Variants in C11orf65 observed in about 807,000 individuals in gnomAD.
C11orf65 encodes the protein protein MFI.
A neutral mutation model predicts 35.3 loss-of-function variants in C11orf65; 38 were observed. That is an observed-to-expected ratio of 1.08 (90% confidence interval 0.83 to 1.41). C11orf65 has a LOEUF of 1.41. Ranked by LOEUF, C11orf65 falls within the 40% of genes most tolerant of loss-of-function variation. The pLI is 0.00. For synonymous variants in C11orf65, 105 were observed against 114.4 expected (o/e 0.92, Z 0.53); for missense variants, 370 against 367.1 (o/e 1.01, Z -0.06).
At position 108,365,106 on chromosome 11, in the gene C11orf65, G is replaced by T. The variant is rs1400589510; in HGVS notation, c.226+28102C>A. The T allele has an allele frequency of 6.2e-7, 1 of 1,613,952 alleles. No individual in the cohort carries two copies. On this transcript the variant is annotated intron_variant, in intron 2 of 3. Transcript: ENST00000524755. ...GGTCCTTCTATATGATCCACTCTTT[G>T]ACTGGACCATGAATCCTTTGAAAGC... is the stretch of plus-strand genomic sequence containing the variant.
chr11:108,431,365 T>C (rs2092987492), intron 3 of C11orf65, among the ~76,000 whole-genome samples: 1 of 152,224 alleles, frequency 6.6e-6, no homozygotes, highest in African/African-American at 2.4e-5. Context: ...CATAAATGTA[T>C]TGTTGGATGA....
chr11:108,378,172 A>C (rs2091777974), downstream of C11orf65, among the ~76,000 whole-genome samples: 1 of 152,196 alleles, frequency 6.6e-6, no homozygotes, highest in Admixed American at 6.5e-5. Context: ...CGCATCGGCA[A>C]GTCAATCCTA....
At chr11:108,317,301 G>C (rs963247585) in intron 6 of C11orf65, 1 of 1,476,916 alleles carries the variant, frequency 6.8e-7, no homozygotes, top group Non-Finnish European at 9.4e-7. Flanking sequence ...TTGTATCTTT[G>C]CTGTTTTTTT....
chr11:108,409,743 T>A (rs1050585287), intron 3 of C11orf65, among the ~76,000 whole-genome samples: 2 of 151,990 alleles, frequency 1.3e-5, no homozygotes, highest in African/African-American at 4.8e-5. Flanking sequence ...GAGCTCCCCA[T>A]CCTGTCAGAT....
At chr11:108,336,082 AG>A (rs2086819369) in intron 2 of C11orf65, 1 of 737,798 alleles carries the variant, frequency 1.4e-6, no homozygotes, top group African/African-American at 1.7e-5. Context: ...GGATTGCTTG[AG>A]GCCAGGAGTT....
At chr11:108,435,351 T>C (rs1313633734) in intron 2 of C11orf65, among the ~76,000 whole-genome samples, 1 of 152,138 alleles carries the variant, frequency 6.6e-6, no homozygotes, top group Non-Finnish European at 1.5e-5. Context: ...ATTACCATAC[T>C]GGCTGGGGTA....
At chr11:108,365,618 T>C in intron 2 of C11orf65, 2 of 1,345,464 alleles carry the variant, frequency 1.5e-6, no homozygotes, top group Non-Finnish European at 2.0e-6. Flanking sequence ...AAGTGAACTA[T>C]TGTGGGTTTT....
In C11orf65 at chr11:108,353,749, T is replaced by C; in HGVS notation, c.227-18457A>G. On this transcript the variant is annotated intron_variant, in intron 2 of 3. Transcript: ENST00000524755. The stretch of plus-strand genomic sequence containing the variant: ...TAGCTGTCAAACCTCCTAACTTCAC[T>C]GTATTCTTTACTTTAGGTGTTGCTT... The C allele has an allele frequency of 6.4e-7, 1 of 1,572,438 alleles. No individual in the cohort carries two copies. Among genetic ancestry groups the C allele is most frequent in the East Asian group, 2.2e-5 (1 of 44,644 alleles).
chr11:108,327,965 T>G (rs1229389732), downstream of C11orf65, among the ~76,000 whole-genome samples: 1 of 152,198 alleles, frequency 6.6e-6, no homozygotes, highest in South Asian at 2.1e-4. Context: ...AGCCCAAGTA[T>G]AGTATCTCTT....
At chr11:108,448,166 C>T (rs1271095591) in intron 2 of C11orf65, among the ~76,000 whole-genome samples, 1 of 152,104 alleles carries the variant, frequency 6.6e-6, no homozygotes, top group East Asian at 1.9e-4. Flanking sequence ...AAAAAAAGTC[C>T]AGGACCAGAT....
intron 6 of C11orf65, among the ~76,000 whole-genome samples, chr11:108,403,423 T>TTTTG (rs1555164851): frequency 1.6e-4 from 24 of 149,986 alleles, no homozygotes; most frequent in African/African-American, 5.6e-4. Flanking sequence ...TTTTTTTGTT[T>TTTTG]TTTTTTTTTT....
At chr11:108,358,067 T>A (rs1186913451) in intron 2 of C11orf65, among the ~76,000 whole-genome samples, 1 of 148,094 alleles carries the variant, frequency 6.8e-6, no homozygotes, top group Non-Finnish European at 1.5e-5. Context: ...GAAGAATGTA[T>A]AACTAGAATA....
chr11:108,434,048 TTG>T (rs1196850551), intron 2 of C11orf65, among the ~76,000 whole-genome samples: 1 of 152,116 alleles, frequency 6.6e-6, no homozygotes, highest in African/African-American at 2.4e-5. Context: ...GAGAAGATGC[TTG>T]TGTCGTATGT....
chr11:108,449,366 C>T (rs1189742503), intron 2 of C11orf65, among the ~76,000 whole-genome samples: 7 of 152,016 alleles, frequency 4.6e-5, no homozygotes, highest in Admixed American at 2.6e-4. Context: ...GGAGGCATCA[C>T]ACTACCTGAC....
intron 2 of C11orf65, among the ~76,000 whole-genome samples, chr11:108,335,587 T>G (rs2086750480): frequency 6.6e-6 from 1 of 152,196 alleles, no homozygotes; most frequent in Non-Finnish European, 1.5e-5. Flanking sequence ...ACTCAGGTGT[T>G]TGCAGTATGC....
intron 7 of C11orf65, among the ~76,000 whole-genome samples, chr11:108,388,219 C>A (rs531596298): frequency 6.6e-6 from 1 of 152,274 alleles, no homozygotes; most frequent in Non-Finnish European, 1.5e-5. Context: ...CATAGCTAGG[C>A]CCCATCACTG....
intron 2 of C11orf65, among the ~76,000 whole-genome samples, chr11:108,457,063 C>T (rs1236300645): frequency 6.6e-6 from 1 of 151,970 alleles, no homozygotes; most frequent in African/African-American, 2.4e-5. Flanking sequence ...ATACTTTGTT[C>T]TCATCATATA....
At chr11:108,355,387 T>C (rs1204185614) in intron 2 of C11orf65, 3 of 172,902 alleles carry the variant, frequency 1.7e-5, no homozygotes, top group Admixed American at 1.7e-4. Flanking sequence ...CTCACCTGAA[T>C]AGGGTTTGGG....
chr11:108,357,222 T>C (rs1313715939), intron 2 of C11orf65, among the ~76,000 whole-genome samples: 1 of 151,976 alleles, frequency 6.6e-6, no homozygotes, highest in African/African-American at 2.4e-5. Flanking sequence ...CACCCGAATA[T>C]TGCGCTTTTT....
Sources: gnomAD v4.1 joint callset for allele counts (sites outside exome capture counted in the v4.1 genomes callset) on GRCh38, gnomAD v4.1.1 for gene constraint, MANE v1.5 for transcripts, NCBI Gene and HGNC (gene_info 2026-07-23, HGNC 2026-07-21) for gene names.